Variants in TSGA10IP observed in about 807,000 individuals in gnomAD.
TSGA10IP encodes testis specific 10 interacting protein.
Under a neutral mutation model 63.2 loss-of-function variants are expected in TSGA10IP, and 64 were observed. The observed-to-expected ratio is 1.01, with a 90% confidence interval of 0.83 to 1.25. The LOEUF (loss-of-function observed/expected upper bound fraction) is 1.25. TSGA10IP is among the 50% of genes most tolerant of loss of function. The pLI is 0.00. For synonymous variants in TSGA10IP, 316 were observed against 298.3 expected (o/e 1.06, Z -0.61); for missense variants, 681 against 710.1 (o/e 0.96, Z 0.47).
intron 4 of TSGA10IP, among the ~76,000 whole-genome samples, chr11:65,953,126 G>A (rs1356721508): frequency 6.7e-6 from 1 of 150,248 alleles, no homozygotes; most frequent in Non-Finnish European, 1.5e-5. Context: ...TGCTTCCCTG[G>A]TTCAAACAAT....
intron 4 of TSGA10IP, among the ~76,000 whole-genome samples, chr11:65,952,572 C>T (rs1854959824): frequency 6.6e-6 from 1 of 152,058 alleles, no homozygotes; most frequent in African/African-American, 2.4e-5. Context: ...CCTTAACCTC[C>T]CGAGTAGCTA....
At chr11:65,959,081 C>G (rs1399025661) in intron 6 of TSGA10IP, 99 bp downstream of exon 6, 26 of 1,560,564 alleles carry the variant, frequency 1.7e-5, no homozygotes, top group Non-Finnish European at 2.0e-5. Flanking sequence ...CAGATAGGAT[C>G]CCAGGGCTGC....
At chr11:65,953,644 A>C in exon 5 of TSGA10IP, 1 of 1,591,498 alleles carries the variant, frequency 6.3e-7, no homozygotes, top group African/African-American at 1.4e-5. Flanking sequence ...CGGACACAGC[A>C]TGTACAGCGG....
exon 3 of TSGA10IP, chr11:65,947,244 C>G (rs528780458): frequency 5.0e-6 from 8 of 1,610,386 alleles, no homozygotes; most frequent in Non-Finnish European, 6.8e-6. Context: ...ATGCCCTCCT[C>G]GTTCTCCCAG....
intron 4 of TSGA10IP, 101 bp from the exon 5 acceptor site, chr11:65,953,466 C>T: frequency 7.0e-7 from 1 of 1,435,300 alleles, no homozygotes; most frequent in Non-Finnish European, 9.2e-7. Context: ...ACACTGCAGC[C>T]CCTCCCCACA....
chr11:65,947,119 G>A (rs757122514), exon 3 of TSGA10IP: 28 of 1,610,862 alleles, frequency 1.7e-5, no homozygotes, highest in African/African-American at 1.7e-4. Context: ...GTCACTTCCC[G>A]CTTCTTCCTC....
rs182186552 is a variant in TSGA10IP, at chr11:65,946,577, G to A, written c.148-303G>A. 2.6e-4 allele frequency among the ~76,000 whole-genome samples: 40 copies of A among 151,540 alleles called. No individual in the cohort carries two copies. The East Asian group carries it at 6.6e-3, about 25-fold the overall frequency. ...CTCCCAAGTAGCTAGGATTACAGGC[G>A]CAGGCCACCACACTCGGCTAATTTT... On this transcript the variant is annotated intron_variant, in intron 1 of 7. Transcript: ENST00000532620.
At chr11:65,948,241 C>G (rs1280456093) in intron 4 of TSGA10IP, 93 bp downstream of exon 4, 2 of 1,420,716 alleles carry the variant, frequency 1.4e-6, no homozygotes, top group Non-Finnish European at 1.9e-6. Flanking sequence ...AACTCTCATT[C>G]ATTTCTTTAT....
Position 65,947,869 on chromosome 11 carries a change from A to G in TSGA10IP, c.1003+41A>G. ...AGAGCCTGGATTCCCCCGAAGCTAC[A>G]CCGCAGGGAACAGGGAGCAGTCAGG... On this transcript the variant is annotated intron_variant, in intron 3 of 7. Coordinates refer to ENST00000532620, the Ensembl canonical transcript of TSGA10IP. 7.3e-6 allele frequency: 11 copies of G among 1,516,880 alleles called. No individual in the cohort carries two copies. The South Asian group carries it at 1.1e-4, about 16-fold the overall frequency. The allele number at this position is 1,516,880 out of a possible 1,614,324, so 94.0% of individuals were successfully genotyped here. A position where few individuals can be genotyped will look rare whatever the true frequency, so the allele number is the denominator to read the frequency against.
rs143966302 is a variant in TSGA10IP, at chr11:65,952,416, TTGTG to T, written c.1152-1134_1152-1131del. 1.1e-3 allele frequency among the ~76,000 whole-genome samples: 158 copies of T among 149,900 alleles called. 1 individual carries two copies. Among genetic ancestry groups the T allele is most frequent in the African/African-American group, 3.8e-3 (156 of 40,888 alleles). ...CAGACAAGTGTCGTTAAGCTTTCTT[TTGTG>T]TGTGTGTGTGTGTGTGGTGTGTGTG... On this transcript the variant is annotated intron_variant, in intron 4 of 7. Coordinates refer to ENST00000532620, the Ensembl canonical transcript of TSGA10IP.
chr11:65,953,030 C>CTTTTTTTTTTTTTTTTTTTT (rs543769953), intron 4 of TSGA10IP, among the ~76,000 whole-genome samples: 4 of 133,644 alleles, frequency 3.0e-5, no homozygotes, highest in Non-Finnish European at 3.2e-5. Flanking sequence ...TTCTTTCTTT[C>CTTTTTTTTTTTTTTTTTTTT]TTTTTTTTTT....
At chr11:65,947,613 C>A in exon 3 of TSGA10IP, 1 of 1,613,726 alleles carries the variant, frequency 6.2e-7, no homozygotes, top group Non-Finnish European at 8.5e-7. Flanking sequence ...GAGCACAGGA[C>A]TCCCTGCAGA....
Position 65,945,754 on chromosome 11 carries a change from C to T in TSGA10IP, c.79C>T (p.Arg27Trp), listed in dbSNP as rs373565829. ...GTCGGTGCGACCAGGGCAGGACGTG[C>T]GGCTCCAGGCTCCAGGAACCAGAAC... The change falls in exon 1 of 8, where the codon CGG becomes TGG. Residue 27 changes from arginine (R) to tryptophan (W), a missense_variant. Physicochemically the swap from Arg to Trp is moderately radical, Grantham distance 101. Transcript: ENST00000532620. 239 of 1,613,270 alleles carry T rather than the reference C, an allele frequency of 1.5e-4. No homozygotes were observed. Among genetic ancestry groups the T allele is most frequent in the Non-Finnish European group, 1.9e-4 (225 of 1,179,860 alleles).
chr11:65,958,510 G>T (rs1855062779), intron 5 of TSGA10IP, among the ~76,000 whole-genome samples: 1 of 152,162 alleles, frequency 6.6e-6, no homozygotes, highest in African/African-American at 2.4e-5. Context: ...CCCCCTCAAG[G>T]GAAAGAGGAT....
Position 65,958,865 on chromosome 11 carries a change from G to A in TSGA10IP, c.1323-18G>A. On this transcript the variant is annotated intron_variant, in intron 5 of 7. Coordinates refer to ENST00000532620, the Ensembl canonical transcript of TSGA10IP. Reference sequence around the variant, plus strand: ...TTGTGTCCATGGTTAGCTGCACAAAGGCCTGTCTCCCCTGCAGGCGCCAGG... The same window carrying A: ...TTGTGTCCATGGTTAGCTGCACAAAAGCCTGTCTCCCCTGCAGGCGCCAGG... 1 of 1,605,632 alleles carries A rather than the reference G, an allele frequency of 6.2e-7. No individual in the cohort carries two copies. The highest frequency in any genetic ancestry group is 8.5e-7 in the Non-Finnish European group (1 of 1,175,442).
exon 7 of TSGA10IP, chr11:65,959,273 G>C: frequency 1.2e-6 from 2 of 1,611,214 alleles, no homozygotes; most frequent in Non-Finnish European, 1.7e-6. Flanking sequence ...TGCTGTCTGA[G>C]GCAGGAAAGG....
At chr11:65,959,351 A>G in intron 7 of TSGA10IP, 37 bp downstream of exon 7, 1 of 1,605,974 alleles carries the variant, frequency 6.2e-7, no homozygotes, top group Admixed American at 1.7e-5. Flanking sequence ...TGACTCTGCC[A>G]TGCTGCTGCG....
chr11:65,946,360 TAGGTGCTCAGC>T (rs1272274145), intron 1 of TSGA10IP, among the ~76,000 whole-genome samples: 1 of 152,112 alleles, frequency 6.6e-6, no homozygotes, highest in Non-Finnish European at 1.5e-5. Flanking sequence ...GAGCACACAA[TAGGTGCTCAGC>T]AGGTGGCAGC....
At chr11:65,957,056 G>C (rs1223565432) in intron 5 of TSGA10IP, among the ~76,000 whole-genome samples, 1 of 152,218 alleles carries the variant, frequency 6.6e-6, no homozygotes, top group Non-Finnish European at 1.5e-5. Flanking sequence ...GCACAAAAGA[G>C]GTTGTCCTGT....
Sources: allele counts gnomAD v4.1 joint callset (sites outside exome capture counted in the v4.1 genomes callset), GRCh38; gene constraint gnomAD v4.1.1; transcripts MANE v1.5; gene names NCBI Gene and HGNC (gene_info 2026-07-23, HGNC 2026-07-21).